Variants in MRPS28 observed in about 807,000 individuals in gnomAD.
The protein encoded by MRPS28 is small ribosomal subunit protein bS1m.
MRPS28 carries 7 observed loss-of-function variants against 10.8 expected under a neutral mutation model. The observed-to-expected ratio is 0.65, with a 90% CI of 0.37 to 1.22. The LOEUF is 1.22. MRPS28 is among the 50% of genes most tolerant of loss of function. MRPS28 has a pLI of 0.02. For synonymous variants in MRPS28, 121 were observed against 93.3 expected (o/e 1.30, Z -1.71); for missense variants, 265 against 232.9 (o/e 1.14, Z -0.90).
At chr8:80,002,418 A>G (rs1169372143) in intron 2 of MRPS28, among the ~76,000 whole-genome samples, 2 of 152,086 alleles carry the variant, frequency 1.3e-5, no homozygotes, top group African/African-American at 2.4e-5. Flanking sequence ...AATCACTTCT[A>G]TCTCGTTTAC....
chr8:79,980,494 T>C (rs1439908171), intron 2 of MRPS28, among the ~76,000 whole-genome samples: 1 of 152,212 alleles, frequency 6.6e-6, no homozygotes, highest in Admixed American at 6.5e-5. Flanking sequence ...CTCATTTAAT[T>C]TGACATTGAT....
At chr8:79,927,877 C>A (rs1806334076) in intron 2 of MRPS28, among the ~76,000 whole-genome samples, 1 of 152,158 alleles carries the variant, frequency 6.6e-6, no homozygotes, top group East Asian at 1.9e-4. Context: ...ATAAAAGAAT[C>A]AGACCCATGC....
At chr8:79,952,282 C>T (rs1388738764) in intron 2 of MRPS28, among the ~76,000 whole-genome samples, 1 of 152,108 alleles carries the variant, frequency 6.6e-6, no homozygotes, top group East Asian at 1.9e-4. Flanking sequence ...ACTATCATGA[C>T]AGATTTAACA....
chr8:79,953,469 G>A (rs1004829023), intron 2 of MRPS28, among the ~76,000 whole-genome samples: 3 of 152,070 alleles, frequency 2.0e-5, no homozygotes, highest in Non-Finnish European at 4.4e-5. Context: ...GTACAAGAAG[G>A]ACAGTCTTTT....
intron 2 of MRPS28, among the ~76,000 whole-genome samples, chr8:79,983,165 G>T (rs1225355390): frequency 6.6e-6 from 1 of 152,108 alleles, no homozygotes; most frequent in Non-Finnish European, 1.5e-5. Flanking sequence ...GGCAAACAGG[G>T]TCTGGAGTGG....
intron 2 of MRPS28, among the ~76,000 whole-genome samples, chr8:79,948,899 T>C (rs1295565566): frequency 6.6e-6 from 1 of 152,216 alleles, no homozygotes; most frequent in African/African-American, 2.4e-5. Context: ...TCCATGTTCA[T>C]AAGGTGTATT....
At chr8:79,987,405 C>G (rs1227267641) in intron 2 of MRPS28, among the ~76,000 whole-genome samples, 2 of 152,168 alleles carry the variant, frequency 1.3e-5, no homozygotes, top group South Asian at 2.1e-4. Flanking sequence ...GCAATGGCAA[C>G]AAAAGCCAAA....
At chr8:80,004,471 C>T (rs1808767073) in intron 1 of MRPS28, among the ~76,000 whole-genome samples, 1 of 152,168 alleles carries the variant, frequency 6.6e-6, no homozygotes, top group African/African-American at 2.4e-5. Flanking sequence ...ACATCCACAC[C>T]AAAACCCCAT....
At chr8:79,968,824 GTA>G (rs796939152) in intron 2 of MRPS28, among the ~76,000 whole-genome samples, 7 of 152,180 alleles carry the variant, frequency 4.6e-5, no homozygotes, top group African/African-American at 1.7e-4. Flanking sequence ...TGAAGAGACA[GTA>G]TAGTGTGGCC....
chr8:79,930,414 T>A (rs1450599566), intron 2 of MRPS28, among the ~76,000 whole-genome samples: 1 of 152,246 alleles, frequency 6.6e-6, no homozygotes, highest in Non-Finnish European at 1.5e-5. Context: ...AAACACTATA[T>A]GTAGCAAGCA....
At chr8:79,989,675 C>G (rs1808301066) in intron 2 of MRPS28, among the ~76,000 whole-genome samples, 1 of 152,178 alleles carries the variant, frequency 6.6e-6, no homozygotes, top group Admixed American at 6.5e-5. Flanking sequence ...GTGGTACAAA[C>G]ATAACTGCAG....
chr8:80,016,531 C>A (rs752765051), intron 1 of MRPS28, among the ~76,000 whole-genome samples: 1 of 151,854 alleles, frequency 6.6e-6, no homozygotes. Context: ...TGCAAGTAGA[C>A]CTGCCTTGCA....
intron 1 of MRPS28, among the ~76,000 whole-genome samples, chr8:80,010,881 T>C (rs1376634844): frequency 6.6e-6 from 1 of 152,172 alleles, no homozygotes; most frequent in Non-Finnish European, 1.5e-5. Flanking sequence ...TAAAGACAAG[T>C]CAGTAGGCCT....
At chr8:79,983,897 AC>A (rs1808061366) in intron 2 of MRPS28, among the ~76,000 whole-genome samples, 1 of 152,320 alleles carries the variant, frequency 6.6e-6, no homozygotes, top group African/African-American at 2.4e-5. Context: ...AGGCAGGCCA[AC>A]ATTCAGATTC....
chr8:79,926,004 A>C (rs1468576211), intron 2 of MRPS28, among the ~76,000 whole-genome samples: 1 of 151,930 alleles, frequency 6.6e-6, no homozygotes, highest in Non-Finnish European at 1.5e-5. Context: ...AAAGAAAAAA[A>C]AAAAAGAAAA....
At chr8:80,024,936 G>C (rs1809459473) in intron 1 of MRPS28, among the ~76,000 whole-genome samples, 1 of 152,186 alleles carries the variant, frequency 6.6e-6, no homozygotes, top group Non-Finnish European at 1.5e-5. Context: ...TCTGTTTGGT[G>C]AGATCACAAA....
chr8:79,946,931 A>G (rs1452033102), intron 2 of MRPS28, among the ~76,000 whole-genome samples: 1 of 152,212 alleles, frequency 6.6e-6, no homozygotes, highest in Non-Finnish European at 1.5e-5. Flanking sequence ...TATAATAACA[A>G]AAAGTAACAC....
rs117980670 is a variant in MRPS28 at position 79,999,486 on chromosome 8, A to G, written c.395+3513T>C. Among the ~76,000 whole-genome samples, 156 of 152,368 alleles carry G rather than the reference A, an allele frequency of 1.0e-3. 2 individuals are homozygous for G. In the East Asian group the frequency reaches 0.029, roughly 29 times the overall value. On this transcript the variant is annotated intron_variant, in intron 2 of 2. Transcript: ENST00000276585. ...TTCAAAGCATAAGTGACAGATCCCT[A>G]TAAGAAACCTAGAGAAGGGTTTTGG...
At chr8:80,020,522 G>A (rs528942993) in intron 1 of MRPS28, among the ~76,000 whole-genome samples, 10 of 152,228 alleles carry the variant, frequency 6.6e-5, no homozygotes, top group Admixed American at 4.6e-4. Flanking sequence ...AGATGCTGAC[G>A]AAAAATGGAA....
Sources: allele counts gnomAD v4.1 joint callset (sites outside exome capture counted in the v4.1 genomes callset), GRCh38; gene constraint gnomAD v4.1.1; transcripts MANE v1.5; gene names NCBI Gene and HGNC (gene_info 2026-07-23, HGNC 2026-07-21).